Variants in PCM1 observed in about 807,000 individuals in gnomAD.
PCM1 encodes pericentriolar material 1, also known as pericentriolar material 1 protein.
In PCM1, 157 loss-of-function variants were observed where a neutral mutation model predicts 241.9. The ratio of observed to expected loss-of-function variants is 0.65; its 90% confidence interval spans 0.57 to 0.74. The LOEUF (loss-of-function observed/expected upper bound fraction) is 0.74, where lower values mean the gene tolerates loss of function less well. PCM1 is among the 30% of genes least tolerant of loss of function. PCM1 has a pLI of 0.00. For missense variants in PCM1, 3,478 were observed against 2,360.1 expected (o/e 1.47, Z -9.81); for synonymous variants, 1,085 against 784.9 (o/e 1.38, Z -6.39).
intron 29 of PCM1, among the ~76,000 whole-genome samples, chr8:17,994,283 A>T (rs945691061): frequency 1.3e-4 from 20 of 152,140 alleles, no homozygotes; most frequent in Admixed American, 1.3e-3. Flanking sequence ...GAACATATGA[A>T]GTTTGTCTTT....
Position 17,938,817 on chromosome 8 carries a change from C to T in PCM1, c.420C>T (p.Pro140=), listed in dbSNP as rs1333055819. ...NKRQLSENRK[P]FNFLPMQINT... Reference sequence around the variant, plus strand: ...GTCAGCTTAGTGAAAACCGAAAGCCCTTCAACTTTTTGCCTATGCAGATTA... The same window carrying T: ...GTCAGCTTAGTGAAAACCGAAAGCCTTTCAACTTTTTGCCTATGCAGATTA... Residue 140 remains proline (P), a synonymous_variant, in exon 5 of 39, where the codon CCC becomes CCT. Coordinates refer to ENST00000325083, the MANE Select transcript of PCM1 (RefSeq NM_006197.4). 1 of 1,613,466 alleles carries T rather than the reference C, an allele frequency of 6.2e-7. No homozygotes were observed. Among genetic ancestry groups the T allele is most frequent in the Admixed American group, 1.7e-5 (1 of 60,014 alleles).
chr8:17,973,831 A>G (rs1367193595), intron 23 of PCM1, among the ~76,000 whole-genome samples: 2 of 152,180 alleles, frequency 1.3e-5, no homozygotes, highest in Non-Finnish European at 2.9e-5. Context: ...CACAACACAT[A>G]CAAGTATAGT....
chr8:17,935,771 G>T (rs979502970), intron 3 of PCM1, 65 bp downstream of exon 3: 10 of 789,078 alleles, frequency 1.3e-5, no homozygotes, highest in Non-Finnish European at 2.2e-5. Flanking sequence ...TTTTCCCCCT[G>T]ACCAAATTTA....
rs2094334994 is a variant in PCM1 at position 18,027,685 on chromosome 8, A to C, written c.*23A>C. The C allele has an allele frequency of 6.4e-7, 1 of 1,558,160 alleles. No individual in the cohort carries two copies. The highest frequency in any genetic ancestry group is 1.2e-5 in the South Asian group (1 of 86,028). On this transcript the variant is annotated 3_prime_UTR_variant, in exon 39 of 39. Transcript: ENST00000325083. ...TGAGATGTCTTCAGAGGCTCATCTAACTCTGTCCTTACATACTCAATGCAT... is the reference window on the plus strand; with the variant it reads ...TGAGATGTCTTCAGAGGCTCATCTACCTCTGTCCTTACATACTCAATGCAT...
At chr8:18,014,944 G>T in intron 36 of PCM1, 104 bp downstream of exon 36, 1 of 1,021,790 alleles carries the variant, frequency 9.8e-7, no homozygotes, top group South Asian at 1.8e-5. Flanking sequence ...TTGTGTTTAG[G>T]TTTAGAACAT....
chr8:17,943,050 A>G (rs571270683), intron 6 of PCM1, among the ~76,000 whole-genome samples: 12 of 152,020 alleles, frequency 7.9e-5, no homozygotes, highest in African/African-American at 2.9e-4. Context: ...AAGTGCATGT[A>G]TCTGTTGGCA....
rs767762186 is a variant in PCM1, at chr8:17,953,160, G to A, written c.1262G>A (p.Arg421Gln). The A allele has an allele frequency of 3.2e-6, 5 of 1,574,014 alleles. No individual in the cohort carries two copies. The highest frequency in any genetic ancestry group is 1.8e-5 in the Admixed American group (1 of 54,564). The change falls in exon 9 of 39, where the codon CGA (arginine) becomes CAA (glutamine). Residue 421 changes from arginine (R) to glutamine (Q), a missense_variant. Coordinates refer to ENST00000325083, the MANE Select transcript of PCM1 (RefSeq NM_006197.4). The stretch of plus-strand genomic sequence containing the variant: ...TTGCTTGGAGAACTTCATACACTTC[G>A]AGATCAGCATCTTAACAATTCATCA... The part of the protein sequence containing the change: ...DKLLGELHTL[R>Q]DQHLNNSSSS...
chr8:17,940,094 C>T (rs1250759222), intron 6 of PCM1: 4 of 1,581,040 alleles, frequency 2.5e-6, no homozygotes, highest in Admixed American at 3.5e-5. Context: ...GCTGTGGGAT[C>T]TGGTTCTGTA....
chr8:17,927,379 TG>T (rs1563568987), intron 2 of PCM1: 1 of 152,064 alleles, frequency 6.6e-6, no homozygotes. Context: ...CTTCCCAAAG[TG>T]GTGGGATCAC....
At chr8:17,969,150 A>G (rs1302194786) in intron 21 of PCM1, among the ~76,000 whole-genome samples, 1 of 152,182 alleles carries the variant, frequency 6.6e-6, no homozygotes, top group Non-Finnish European at 1.5e-5. Context: ...TAGGAGTCAT[A>G]CAGACCTGAG....
In PCM1 at chr8:18,028,259, T is replaced by C. The variant is rs1047055170; in HGVS notation, c.*597T>C. 26 of 187,310 alleles carry C rather than the reference T, an allele frequency of 1.4e-4. No homozygotes were observed. The highest frequency in any genetic ancestry group is 6.8e-4 in the Admixed American group (11 of 16,234). 11.6% of individuals were successfully genotyped at this position (187,310 alleles called of 1,614,324 possible). On this transcript the variant is annotated 3_prime_UTR_variant, in exon 39 of 39. Coordinates refer to ENST00000325083, the MANE Select transcript of PCM1 (RefSeq NM_006197.4). ...TTATTATAGAATATTTATTAATCCA[T>C]TGAAATTGGATAATAAGTTTAGAAC...
In PCM1 at chr8:18,025,678, A is replaced by T; in HGVS notation, c.6049+20A>T. 7.6e-7 allele frequency: 1 copy of T among 1,320,966 alleles called. No homozygotes were observed. The highest frequency in any genetic ancestry group is 1.1e-6 in the Non-Finnish European group (1 of 946,156). 81.8% of individuals were successfully genotyped at this position (1,320,966 alleles called of 1,614,324 possible). ...AACCTGGTAAGAGTTATCAATTTAA[A>T]TCTTGCCATATTGAAAAATCATTGA... On this transcript the variant is annotated intron_variant, in intron 38 of 38. Transcript: ENST00000325083.
chr8:17,933,009 C>G (rs1481063191), intron 2 of PCM1, among the ~76,000 whole-genome samples: 3 of 152,068 alleles, frequency 2.0e-5, no homozygotes. Flanking sequence ...ACGATTTTTC[C>G]CCTCTTCTAT....
At chr8:17,993,932 A>G (rs868162240) in intron 29 of PCM1, among the ~76,000 whole-genome samples, 1 of 152,216 alleles carries the variant, frequency 6.6e-6, no homozygotes, top group African/African-American at 2.4e-5. Context: ...AGGTGTGTAT[A>G]TTTATGGGGT....
At chr8:17,975,040 T>G (rs1234068380) in intron 23 of PCM1, among the ~76,000 whole-genome samples, 1 of 152,184 alleles carries the variant, frequency 6.6e-6, no homozygotes, top group Non-Finnish European at 1.5e-5. Context: ...TAGAAATGCG[T>G]GCTTTTGGGC....
At chr8:18,012,860 C>T (rs1308313507) in intron 34 of PCM1, among the ~76,000 whole-genome samples, 1 of 151,986 alleles carries the variant, frequency 6.6e-6, no homozygotes, top group African/African-American at 2.4e-5. Context: ...ATTTTTATTT[C>T]AGCTGTCATA....
At chr8:17,999,483 C>A (rs962736612) in intron 29 of PCM1, among the ~76,000 whole-genome samples, 1 of 152,054 alleles carries the variant, frequency 6.6e-6, no homozygotes, top group African/African-American at 2.4e-5. Flanking sequence ...GAATGGCGAC[C>A]TCACGACTCT....
intron 38 of PCM1, among the ~76,000 whole-genome samples, chr8:18,027,027 A>G (rs545077831): frequency 1.4e-4 from 22 of 152,314 alleles, no homozygotes; most frequent in African/African-American, 2.6e-4. Flanking sequence ...GAGCCACTCA[A>G]TGTTTCTTGC....
chr8:17,998,618 C>G (rs917032409), intron 29 of PCM1, among the ~76,000 whole-genome samples: 5 of 152,146 alleles, frequency 3.3e-5, no homozygotes, highest in Non-Finnish European at 5.9e-5. Context: ...TACCTAAAGC[C>G]AGCACAGCAC....
Sources: gnomAD v4.1 joint callset for allele counts (sites outside exome capture counted in the v4.1 genomes callset) on GRCh38, gnomAD v4.1.1 for gene constraint, MANE v1.5 for transcripts, NCBI Gene and HGNC (gene_info 2026-07-23, HGNC 2026-07-21) for gene names.